The following GLMN variants were observed in gnomAD, a reference collection of about 807,000 sequenced individuals.
The protein encoded by GLMN is glomulin.
A neutral mutation model predicts 87.8 loss-of-function variants in GLMN; 75 were observed. That is an observed-to-expected ratio of 0.85 (90% CI 0.71 to 1.04). The LOEUF is 1.04. Ranked by LOEUF, GLMN falls within the 50% of genes least tolerant of loss-of-function variation. The pLI is 0.00. For missense variants in GLMN, 588 were observed against 658.8 expected (o/e 0.89, Z 1.18); for synonymous variants, 206 against 221.6 (o/e 0.93, Z 0.63).
chr1:92,273,390 T>G (rs1190149464), intron 7 of GLMN, among the ~76,000 whole-genome samples: 2 of 152,052 alleles, frequency 1.3e-5, no homozygotes, highest in Non-Finnish European at 2.9e-5. Context: ...GAAGCTCCAT[T>G]TCTTTATTCA....
the GLMN span, among the ~76,000 whole-genome samples, chr1:92,318,056 G>GCTCT: frequency 3.9e-5 from 6 of 152,184 alleles, no homozygotes; most frequent in African/African-American, 1.2e-4. Context: ...CTCTAGCCTA[G>GCTCT]CTCTATTCTT....
At chr1:92,299,031 G>C, upstream of GLMN, 1 of 1,215,422 alleles carries the variant, frequency 8.2e-7, no homozygotes, top group Non-Finnish European at 1.1e-6. Context: ...GCCTCGGGGC[G>C]AGACGCCGGA....
In GLMN at chr1:92,277,971, G is replaced by C. The variant is rs145085260; in HGVS notation, c.736-6319C>G. ...TAGGGCTTGAGACTGGCATTGGAAG[G>C]GGGGGCAGTCTTGAGGTATTTAGCC... On this transcript the variant is annotated intron_variant, in intron 7 of 18. Transcript: ENST00000370360. Among the ~76,000 whole-genome samples the C allele has an allele frequency of 1.6e-4, 25 of 152,220 alleles. No homozygotes were observed. The South Asian group carries it at 1.7e-3, about 10-fold the overall frequency.
At chr1:92,299,055 C>T (rs1008327817), upstream of GLMN, 2 of 1,437,150 alleles carry the variant, frequency 1.4e-6, no homozygotes, top group Non-Finnish European at 1.9e-6. Flanking sequence ...TGTCCCCGTC[C>T]GGCAGACTAC....
At chr1:92,307,248 A>G in the GLMN span, 3 of 1,611,768 alleles carry the variant, frequency 1.9e-6, no homozygotes, top group South Asian at 3.3e-5. Context: ...AATTCCCAAA[A>G]CTCCAGTATG....
At chr1:92,261,015 G>A (rs1654985120) in intron 16 of GLMN, among the ~76,000 whole-genome samples, 1 of 152,020 alleles carries the variant, frequency 6.6e-6, no homozygotes, top group Non-Finnish European at 1.5e-5. Context: ...TTTTTGTCAG[G>A]CAAGTCAGAT....
rs1262298997 is a variant in GLMN at position 92,246,549 on chromosome 1, TC to T, written c.1765del (p.Glu589LysfsTer5). The T allele has an allele frequency of 7.0e-7, 1 of 1,420,774 alleles. No individual in the cohort carries two copies. The highest frequency in any genetic ancestry group is 1.0e-6 in the Non-Finnish European group (1 of 1,003,776). 88.0% of individuals were successfully genotyped at this position (1,420,774 alleles called of 1,614,324 possible). A position where few individuals can be genotyped will look rare whatever the true frequency, so the allele number is the denominator to read the frequency against. ...GAACTTTCACTTTATCCCAATATTT[TC>T]TTCAGAGGTAGACTTTGTTTTTATT... ...IEIKTKSTSE[E>X]NIGIK On this transcript the variant is annotated frameshift_variant, in exon 19 of 19. Transcript: ENST00000370360. LOFTEE classifies it high-confidence loss of function.
chr1:92,298,336 A>C (rs1650404074), intron 1 of GLMN, among the ~76,000 whole-genome samples: 1 of 151,968 alleles, frequency 6.6e-6, no homozygotes, highest in Non-Finnish European at 1.5e-5. Flanking sequence ...AACAAAAAAA[A>C]CCTCTCGAGC....
chr1:92,260,255 G>A (rs1047513136), intron 16 of GLMN, among the ~76,000 whole-genome samples: 1 of 152,048 alleles, frequency 6.6e-6, no homozygotes. Flanking sequence ...AATTCTTATG[G>A]TAACTTATAA....
At chr1:92,353,708 G>T in the GLMN span, among the ~76,000 whole-genome samples, 29 of 152,134 alleles carry the variant, frequency 1.9e-4, no homozygotes, top group Admixed American at 1.6e-3. Context: ...TGAAGTTTAA[G>T]TATTTACCTG....
intron 7 of GLMN, among the ~76,000 whole-genome samples, chr1:92,283,231 A>T (rs1648300604): frequency 6.6e-6 from 1 of 151,514 alleles, no homozygotes; most frequent in African/African-American, 2.4e-5. Context: ...ATCCTCAATA[A>T]AATACCGAAT....
the GLMN span, among the ~76,000 whole-genome samples, chr1:92,332,113 C>CT: frequency 7.6e-4 from 114 of 149,808 alleles, 1 homozygote; most frequent in African/African-American, 1.8e-3. Context: ...TCTCTTTAGT[C>CT]TTTTTTTTTA....
the GLMN span, among the ~76,000 whole-genome samples, chr1:92,305,432 C>CAAAAAAAAA: frequency 1.8e-3 from 93 of 52,670 alleles, 3 homozygotes; most frequent in East Asian, 9.6e-3. Context: ...GGCTCCGTCT[C>CAAAAAAAAA]AAAAAAAAAA....
intron 16 of GLMN, 195 bp from the exon 17 acceptor site, chr1:92,248,184 A>G (rs1323812550): frequency 3.8e-6 from 2 of 527,000 alleles, no homozygotes; most frequent in East Asian, 3.3e-5. Flanking sequence ...TTGGGGCACT[A>G]CGCTTATCAC....
rs1254129186 is a variant in GLMN at position 92,287,058 on chromosome 1, G to A, written c.633-466C>T. On this transcript the variant is annotated intron_variant, in intron 6 of 18. Transcript: ENST00000370360. ...TCTATAAAACTGGTGATGTAACGTC[G>A]TTCGTACTAGTAATGGGGAGAACAT... 6.6e-5 allele frequency among the ~76,000 whole-genome samples: 10 copies of A among 152,288 alleles called. No homozygotes were observed. In the South Asian group the frequency reaches 1.2e-3, roughly 19 times the overall value.
At chr1:92,349,402 A>G in the GLMN span, among the ~76,000 whole-genome samples, 24 of 152,340 alleles carry the variant, frequency 1.6e-4, no homozygotes, top group Admixed American at 6.5e-4. Context: ...GAGGATACAT[A>G]CATACACCTA....
chr1:92,323,114 A>G, the GLMN span, among the ~76,000 whole-genome samples: 1 of 148,010 alleles, frequency 6.8e-6, no homozygotes, highest in African/African-American at 2.5e-5. Flanking sequence ...GGCAAATCCA[A>G]ATAGTGCAGT....
chr1:92,246,951 G>C (rs560509557), intron 18 of GLMN, 111 bp downstream of exon 18: 1 of 757,822 alleles, frequency 1.3e-6, no homozygotes, highest in South Asian at 1.4e-5. Flanking sequence ...TGAGCCCAGG[G>C]AGTTGAAGCT....
rs144233000 is a variant in GLMN at position 92,247,610 on chromosome 1, T to A, written c.1585+268A>T. Reference sequence around the variant, plus strand: ...AGTGGACCCAGCAATACCAAAGGAATGGTACCCAAACGGAAATAGCTGTAA... The same window carrying A: ...AGTGGACCCAGCAATACCAAAGGAAAGGTACCCAAACGGAAATAGCTGTAA... On this transcript the variant is annotated intron_variant, in intron 17 of 18. Transcript: ENST00000370360. 5.2e-4 allele frequency among the ~76,000 whole-genome samples: 79 copies of A among 152,298 alleles called. No homozygotes were observed. In the East Asian group the frequency reaches 0.014, roughly 28 times the overall value.
Sources: allele counts gnomAD v4.1 joint callset (sites outside exome capture counted in the v4.1 genomes callset), GRCh38; gene constraint gnomAD v4.1.1; transcripts MANE v1.5; gene names NCBI Gene and HGNC (gene_info 2026-07-23, HGNC 2026-07-21).